The following ASIC2 variants were observed in gnomAD, a reference collection of about 807,000 sequenced individuals.
ASIC2 encodes acid-sensing ion channel 2.
Under a neutral mutation model 57.3 loss-of-function variants are expected in ASIC2, and 25 were observed. That is an observed-to-expected ratio of 0.44 (90% CI 0.32 to 0.61). The LOEUF is 0.61. Ranked by LOEUF, ASIC2 falls within the 20% of genes least tolerant of loss-of-function variation. ASIC2 has a pLI of 0.06. For synonymous variants in ASIC2, 319 were observed against 307.5 expected, an observed-to-expected ratio of 1.04 and a Z score of -0.39; for missense variants, 641 against 738.1, an observed-to-expected ratio of 0.87 and a Z score of 1.52.
chr17:33,763,750 A>C (rs985241831), intron 1 of ASIC2, among the ~76,000 whole-genome samples: 14 of 152,160 alleles, frequency 9.2e-5, no homozygotes. Context: ...TGGTGCTGAG[A>C]AGATCCCAGG....
intron 1 of ASIC2, among the ~76,000 whole-genome samples, chr17:33,945,883 A>G (rs78845120): frequency 0.023 from 3,565 of 152,370 alleles, 79 homozygotes; most frequent in South Asian, 0.093. Context: ...CCCACTGACC[A>G]CAAGTCTCAA....
At chr17:33,060,999 G>T (rs183025883) in intron 3 of ASIC2, among the ~76,000 whole-genome samples, 33 of 152,248 alleles carry the variant, frequency 2.2e-4, no homozygotes, top group African/African-American at 7.9e-4. Flanking sequence ...TGTAATTTTT[G>T]CATATTGATT....
intron 1 of ASIC2, among the ~76,000 whole-genome samples, chr17:33,775,081 T>G (rs566062455): frequency 9.2e-5 from 14 of 152,244 alleles, no homozygotes; most frequent in Non-Finnish European, 1.3e-4. Flanking sequence ...TGTGCAAGGC[T>G]TGGAAGCGAT....
rs533732954 is a variant in ASIC2, at chr17:34,104,023, C to T, written c.555+51955G>A. On this transcript the variant is annotated intron_variant, in intron 1 of 9. Transcript: ENST00000359872. ...TATGGAGTTTTGATTTGAATCATGTCGAGCTATGGATCGCTGTGGGAAGGT... is the reference window on the plus strand; with the variant it reads ...TATGGAGTTTTGATTTGAATCATGTTGAGCTATGGATCGCTGTGGGAAGGT... Among the ~76,000 whole-genome samples the T allele has an allele frequency of 4.6e-5, 7 of 152,178 alleles. No homozygotes were observed. The East Asian group carries it at 1.3e-3, about 29-fold the overall frequency.
chr17:33,773,498 T>C (rs1479449579), intron 1 of ASIC2, among the ~76,000 whole-genome samples: 4 of 152,078 alleles, frequency 2.6e-5, no homozygotes, highest in Non-Finnish European at 4.4e-5. Flanking sequence ...CAGACCAATC[T>C]CTCTTTTCAT....
At chr17:33,807,110 T>C (rs1171686708) in intron 1 of ASIC2, among the ~76,000 whole-genome samples, 3 of 152,064 alleles carry the variant, frequency 2.0e-5, no homozygotes, top group Non-Finnish European at 4.4e-5. Context: ...TCCAGGAAAA[T>C]GCAGAAATGC....
At chr17:33,669,287 G>A (rs1329227811) in intron 1 of ASIC2, among the ~76,000 whole-genome samples, 1 of 152,194 alleles carries the variant, frequency 6.6e-6, no homozygotes, top group Non-Finnish European at 1.5e-5. Flanking sequence ...TCTGCAACAT[G>A]TAAAGATGTT....
At chr17:33,311,428 C>CTGTGTG (rs34323667) in intron 1 of ASIC2, among the ~76,000 whole-genome samples, 45 of 148,146 alleles carry the variant, frequency 3.0e-4, no homozygotes, top group South Asian at 8.7e-4. Flanking sequence ...GTCTGTCTAT[C>CTGTGTG]TGTGTGTGTG....
At chr17:33,197,882 C>T (rs549142826) in intron 1 of ASIC2, among the ~76,000 whole-genome samples, 21 of 152,236 alleles carry the variant, frequency 1.4e-4, no homozygotes, top group East Asian at 5.8e-4. Context: ...TTTAATTTAA[C>T]TAGTTGTTGG....
chr17:33,981,798 A>G (rs910326242), intron 1 of ASIC2, among the ~76,000 whole-genome samples: 9 of 152,170 alleles, frequency 5.9e-5, no homozygotes, highest in African/African-American at 2.2e-4. Context: ...ATTTTATGAC[A>G]TATGTATTAT....
chr17:33,968,527 G>T (rs534659791), intron 1 of ASIC2, among the ~76,000 whole-genome samples: 200 of 152,326 alleles, frequency 1.3e-3, no homozygotes, highest in South Asian at 5.0e-3. Context: ...CACATGGAAA[G>T]CCCAGAGAGA....
chr17:34,040,954 T>A (rs1567797929), intron 1 of ASIC2, among the ~76,000 whole-genome samples: 1 of 151,984 alleles, frequency 6.6e-6, no homozygotes, highest in African/African-American at 2.4e-5. Flanking sequence ...ATCAGGGAGA[T>A]TAAGTAATTT....
chr17:33,636,998 A>T (rs922101977), intron 1 of ASIC2, among the ~76,000 whole-genome samples: 1 of 151,852 alleles, frequency 6.6e-6, no homozygotes, highest in Non-Finnish European at 1.5e-5. Context: ...AACATGCAAC[A>T]CTTCTTTCTC....
Position 34,156,552 on chromosome 17 carries a change from G to T in ASIC2, c.-20C>A. 6.4e-7 allele frequency: 1 copy of T among 1,564,048 alleles called. No homozygotes were observed. Among genetic ancestry groups the T allele is most frequent in the Non-Finnish European group, 8.7e-7 (1 of 1,151,142 alleles). On this transcript the variant is annotated 5_prime_UTR_variant, in exon 1 of 10. Transcript: ENST00000359872. This position sits in a 1 kb window ranked among gnomAD's most constrained non-coding sequence, Gnocchi z 4.4. ...GTCCATCGGGACCCCGTGCAGTTCCGCAACTGGCTTCAGGTTGATCGAATT... is the reference window on the plus strand; with the variant it reads ...GTCCATCGGGACCCCGTGCAGTTCCTCAACTGGCTTCAGGTTGATCGAATT...
chr17:33,116,920 A>G (rs2092283491), intron 1 of ASIC2, among the ~76,000 whole-genome samples: 1 of 150,780 alleles, frequency 6.6e-6, no homozygotes, highest in Non-Finnish European at 1.5e-5. Flanking sequence ...CACGATCACA[A>G]CTCACTGTAA....
intron 1 of ASIC2, among the ~76,000 whole-genome samples, chr17:34,074,040 TG>T (rs772975410): frequency 6.6e-6 from 1 of 152,208 alleles, no homozygotes; most frequent in Non-Finnish European, 1.5e-5. Flanking sequence ...TCTAAGACAC[TG>T]GCTCTTAGAC....
At chr17:33,264,115 C>T (rs1220392650) in intron 1 of ASIC2, among the ~76,000 whole-genome samples, 1 of 152,238 alleles carries the variant, frequency 6.6e-6, no homozygotes, top group Non-Finnish European at 1.5e-5. Context: ...AATGTGAGTG[C>T]AATCAATCTG....
intron 1 of ASIC2, among the ~76,000 whole-genome samples, chr17:33,766,061 T>C (rs1364941519): frequency 6.6e-6 from 1 of 152,176 alleles, no homozygotes; most frequent in Non-Finnish European, 1.5e-5. Flanking sequence ...GGTCCCTCTT[T>C]ATTGGAGGTT....
chr17:33,120,993 G>A (rs541309851), intron 1 of ASIC2, among the ~76,000 whole-genome samples: 31 of 152,338 alleles, frequency 2.0e-4, no homozygotes, highest in African/African-American at 6.7e-4. Context: ...TCTTGAACGT[G>A]CATCTCAGCA....
Sources: allele counts gnomAD v4.1 joint callset (sites outside exome capture counted in the v4.1 genomes callset), GRCh38; gene constraint gnomAD v4.1.1; non-coding constraint Gnocchi (gnomAD v3.1); transcripts MANE v1.5; gene names NCBI Gene and HGNC (gene_info 2026-07-23, HGNC 2026-07-21).